HCN2: variants seen among roughly 807,000 people sequenced by gnomAD.
The protein encoded by HCN2 is hyperpolarization activated cyclic nucleotide gated potassium and sodium channel 2.
In HCN2, 20 loss-of-function variants were observed where a neutral mutation model predicts 52.3. The ratio of observed to expected loss-of-function variants is 0.38; its 90% CI spans 0.27 to 0.56. The LOEUF (loss-of-function observed/expected upper bound fraction) is 0.56, where lower values mean the gene tolerates loss of function less well. HCN2 is among the 20% of genes least tolerant of loss of function. HCN2 has a pLI of 0.71. For synonymous variants in HCN2, 694 were observed against 537.0 expected, an observed-to-expected ratio of 1.29 and a Z score of -4.04; for missense variants, 981 against 1,207.7, an observed-to-expected ratio of 0.81 and a Z score of 2.78.
At chr19:612,425 T>A (rs200375571) in intron 5 of HCN2, among the ~76,000 whole-genome samples, 26,338 of 109,216 alleles carry the variant, frequency 0.24, 2,399 homozygotes, top group Non-Finnish European at 0.29. Flanking sequence ...TGTGTGTGTG[T>A]GTGAGAGAGA....
chr19:611,475 G>A (rs2144528398), intron 5 of HCN2, among the ~76,000 whole-genome samples: 1 of 152,338 alleles, frequency 6.6e-6, no homozygotes. Flanking sequence ...GGGCGAGGAG[G>A]CGGGCAGGAC....
At chr19:613,180 C>G (rs1432722205) in intron 5 of HCN2, 68 bp from the exon 6 acceptor site, 1 of 1,531,464 alleles carries the variant, frequency 6.5e-7, no homozygotes, top group Non-Finnish European at 8.8e-7. Context: ...GAGCCGGTCC[C>G]AGAGGCAGGG....
intron 6 of HCN2, 78 bp downstream of exon 6, chr19:613,566 C>CGG (rs1348629389): frequency 1.1e-5 from 3 of 267,788 alleles, no homozygotes; most frequent in African/African-American, 3.5e-5. Flanking sequence ...GGGCCGGGGC[C>CGG]GGGGCCGGGG....
chr19:612,635 G>A (rs370160220), intron 5 of HCN2, among the ~76,000 whole-genome samples: 16 of 152,112 alleles, frequency 1.1e-4, no homozygotes, highest in East Asian at 5.8e-4. Flanking sequence ...GGCTGGTCTC[G>A]AACTCCTGAC....
chr19:596,117 A>G (rs891313703), intron 1 of HCN2, among the ~76,000 whole-genome samples: 1 of 152,184 alleles, frequency 6.6e-6, no homozygotes, highest in Non-Finnish European at 1.5e-5. Flanking sequence ...TCCTCCCCCA[A>G]GCTTCATCCA....
chr19:595,541 C>G (rs1405516355), intron 1 of HCN2, among the ~76,000 whole-genome samples: 2 of 152,218 alleles, frequency 1.3e-5, no homozygotes, highest in African/African-American at 4.8e-5. Flanking sequence ...TCTTCAGCCA[C>G]TGCCCTCCCC....
intron 4 of HCN2, among the ~76,000 whole-genome samples, chr19:609,573 C>T: frequency 6.6e-6 from 1 of 152,240 alleles, no homozygotes; most frequent in East Asian, 1.9e-4. Flanking sequence ...TAAGACCAGC[C>T]TGAGCAACAC....
intron 1 of HCN2, among the ~76,000 whole-genome samples, chr19:599,131 T>G (rs1239508403): frequency 1.3e-5 from 2 of 152,258 alleles, no homozygotes; most frequent in African/African-American, 4.8e-5. Flanking sequence ...CCTTCCAGCG[T>G]TTGGCTCTTG....
chr19:602,002 C>T (rs897954148), intron 1 of HCN2, among the ~76,000 whole-genome samples: 5 of 151,688 alleles, frequency 3.3e-5, no homozygotes, highest in African/African-American at 9.7e-5. Context: ...GTGCCAAGTC[C>T]GGCTCGGCCG....
chr19:615,325 T>C (rs529604421), intron 7 of HCN2, among the ~76,000 whole-genome samples: 280 of 151,932 alleles, frequency 1.8e-3, no homozygotes, highest in Non-Finnish European at 2.7e-3. Flanking sequence ...CTGGCTAACA[T>C]GGTGAAACCC....
chr19:602,943 G>GGT (rs2144514923), intron 1 of HCN2, among the ~76,000 whole-genome samples: 2 of 68,748 alleles, frequency 2.9e-5, no homozygotes, highest in Admixed American at 1.5e-4. Flanking sequence ...TTGTCCTGCA[G>GGT]GCGCCTGGGG....
rs1319070564 is a variant in HCN2 at position 613,099 on chromosome 19, G to A, written c.1585-149G>A. 6 of 1,061,184 alleles carry A rather than the reference G, an allele frequency of 5.7e-6. No individual in the cohort carries two copies. In the Admixed American group the frequency reaches 1.4e-4, roughly 24 times the overall value. The allele number at this position is 1,061,184 out of a possible 1,614,324, so 65.7% of individuals were successfully genotyped here. ...GCGTTTTTTCTTTCTCCCGTCCTTG[G>A]CGGCAGCAGCTCGGTTCCGGCTACG... On this transcript the variant is annotated intron_variant, in intron 5 of 7. Transcript: ENST00000251287.
chr19:592,856 A>G lies in HCN2; in HGVS notation c.632+2279A>G, dbSNP rs1982913266. Among the ~76,000 whole-genome samples, 1 of 152,030 alleles carries G rather than the reference A, an allele frequency of 6.6e-6. No individual in the cohort carries two copies. The highest frequency in any genetic ancestry group is 1.5e-5 in the Non-Finnish European group (1 of 67,988). ...GAAGGGGCCTCTACGTTTGCAGCTG[A>G]CTCAGGAGCCTGGCCCCAACTGGCT... is the stretch of plus-strand genomic sequence containing the variant. On this transcript the variant is annotated intron_variant, in intron 1 of 7. Transcript: ENST00000251287. This position sits in a 1 kb window ranked among gnomAD's most constrained non-coding sequence, Gnocchi z 4.8.
In HCN2 at chr19:616,926, G is replaced by A. The variant is rs985954829; in HGVS notation, c.*452G>A. Reference sequence around the variant, plus strand: ...ATCGCGCTCACGCAATAACCGGCCCGGCCCCCGTCCGCGCGCGTCCCCCGG... The same window carrying A: ...ATCGCGCTCACGCAATAACCGGCCCAGCCCCCGTCCGCGCGCGTCCCCCGG... On this transcript the variant is annotated 3_prime_UTR_variant, in exon 8 of 8. Coordinates refer to ENST00000251287, the MANE Select transcript of HCN2 (RefSeq NM_001194.4). 19 of 343,166 alleles carry A rather than the reference G, an allele frequency of 5.5e-5. No individual in the cohort carries two copies. The highest frequency in any genetic ancestry group is 1.8e-4 in the African/African-American group (8 of 45,160). 21.3% of individuals were successfully genotyped at this position (343,166 alleles called of 1,614,324 possible). A position where few individuals can be genotyped will look rare whatever the true frequency, so the allele number is the denominator to read the frequency against.
At chr19:612,842 C>T (rs910777728) in intron 5 of HCN2, among the ~76,000 whole-genome samples, 2 of 118,848 alleles carry the variant, frequency 1.7e-5, no homozygotes, top group African/African-American at 8.7e-5. Flanking sequence ...CCACGCCTGG[C>T]TGTTTTTTTT....
At chr19:612,359 C>T (rs1240230130) in intron 5 of HCN2, among the ~76,000 whole-genome samples, 2 of 150,244 alleles carry the variant, frequency 1.3e-5, no homozygotes, top group Admixed American at 6.6e-5. Flanking sequence ...TTTCAAAAAT[C>T]ACCTGATAGT....
intron 1 of HCN2, among the ~76,000 whole-genome samples, chr19:596,092 G>A (rs1009349343): frequency 1.3e-4 from 20 of 152,268 alleles, no homozygotes; most frequent in African/African-American, 4.8e-4. Context: ...GGGTTTGGGA[G>A]CCGGGTCGGC....
At chr19:612,834 A>G (rs1446264022) in intron 5 of HCN2, among the ~76,000 whole-genome samples, 4 of 131,006 alleles carry the variant, frequency 3.1e-5, no homozygotes, top group East Asian at 2.1e-4. Context: ...CTGCACCACC[A>G]CGCCTGGCTG....
Position 590,274 on chromosome 19 carries a change from G to T in HCN2, c.329G>T (p.Ser110Ile), listed in dbSNP as rs1162669059. 3 of 986,966 alleles carry T rather than the reference G, an allele frequency of 3.0e-6. No homozygotes were observed. Among genetic ancestry groups the T allele is most frequent in the Non-Finnish European group, 3.6e-6 (3 of 832,984 alleles). 61.1% of individuals were successfully genotyped at this position (986,966 alleles called of 1,614,324 possible). The change falls in exon 1 of 8, where the codon AGC (serine) becomes ATC (isoleucine). Residue 110 changes from serine (S) to isoleucine (I), a missense_variant. This residue lies in a region of HCN2 where 215 missense variants were observed against 179.4 expected (regional missense o/e 1.20). Coordinates refer to ENST00000251287, the MANE Select transcript of HCN2 (RefSeq NM_001194.4). The surrounding 1 kb of genome is among the most constrained non-coding windows in gnomAD (Gnocchi z 7.2). ...TGCGGGCGCGGCGAGCCGCAGTGCAGCCCCGCGGGGCCCGAGGGCCCGGCG... is the reference window on the plus strand; with the variant it reads ...TGCGGGCGCGGCGAGCCGCAGTGCATCCCCGCGGGGCCCGAGGGCCCGGCG... ...GECGRGEPQCSPAGPEGPARG... is the reference protein window; with the variant it reads ...GECGRGEPQCIPAGPEGPARG...
Sources: gnomAD v4.1 joint callset for allele counts (sites outside exome capture counted in the v4.1 genomes callset) on GRCh38, gnomAD v4.1.1 for gene constraint, gnomAD v4.1.1 regional missense constraint, Gnocchi (gnomAD v3.1) non-coding constraint, MANE v1.5 for transcripts, NCBI Gene and HGNC (gene_info 2026-07-23, HGNC 2026-07-21) for gene names.